DPP10: variants seen among roughly 807,000 people sequenced by gnomAD.
DPP10 encodes inactive dipeptidyl peptidase 10.
Under a neutral mutation model 120.9 loss-of-function variants are expected in DPP10, and 33 were observed. That is an observed-to-expected ratio of 0.27 (90% confidence interval 0.21 to 0.37). The LOEUF is 0.37. DPP10 is among the 10% of genes least tolerant of loss of function. The probability of loss-of-function intolerance (pLI) is 1.00; values close to 1 mark genes in which losing one functional copy is unlikely to be tolerated. For missense variants in DPP10, 816 were observed against 942.8 expected, an observed-to-expected ratio of 0.87 and a Z score of 1.76; for synonymous variants, 337 against 326.1, an observed-to-expected ratio of 1.03 and a Z score of -0.36.
chr2:115,114,322 T>A (rs996900656), intron 1 of DPP10, among the ~76,000 whole-genome samples: 1 of 152,222 alleles, frequency 6.6e-6, no homozygotes, highest in African/African-American at 2.4e-5. Context: ...ATATTTATTC[T>A]GACTTTGAAA....
intron 2 of DPP10, among the ~76,000 whole-genome samples, chr2:115,320,588 A>G (rs1041127446): frequency 6.6e-6 from 1 of 152,072 alleles, no homozygotes; most frequent in Non-Finnish European, 1.5e-5. Context: ...GTTCAATCAC[A>G]TACACAAACT....
intron 3 of DPP10, among the ~76,000 whole-genome samples, chr2:115,376,424 G>A (rs1010253637): frequency 2.6e-5 from 4 of 151,924 alleles, no homozygotes; most frequent in Admixed American, 6.6e-5. Context: ...ATTACCAAGT[G>A]GAGGGATAAT....
intron 1 of DPP10, among the ~76,000 whole-genome samples, chr2:115,166,536 A>C (rs1279622605): frequency 6.8e-6 from 1 of 146,532 alleles, no homozygotes; most frequent in East Asian, 2.0e-4. Flanking sequence ...TATATATATA[A>C]ATTTATAATA....
chr2:115,174,975 A>C (rs987614750), intron 1 of DPP10, among the ~76,000 whole-genome samples: 1 of 152,106 alleles, frequency 6.6e-6, no homozygotes, highest in Non-Finnish European at 1.5e-5. Flanking sequence ...TTCTTTGGAG[A>C]AGATGAGATA....
intron 1 of DPP10, among the ~76,000 whole-genome samples, chr2:114,545,011 C>T (rs1262577769): frequency 6.6e-6 from 1 of 151,844 alleles, no homozygotes; most frequent in Non-Finnish European, 1.5e-5. Context: ...GCCACCATGC[C>T]CAGCTAATTT....
chr2:114,856,789 T>A (rs1350387191), intron 1 of DPP10, among the ~76,000 whole-genome samples: 1 of 152,114 alleles, frequency 6.6e-6, no homozygotes, highest in African/African-American at 2.4e-5. Flanking sequence ...GCCATATGGG[T>A]ATATTTACTT....
rs796409060 is a variant in DPP10, at chr2:114,860,838, T to TA, written c.60+418005dup. On this transcript the variant is annotated intron_variant, in intron 1 of 25. Coordinates refer to ENST00000410059, the MANE Select transcript of DPP10 (RefSeq NM_020868.6). ...CAAAGCTCATTTAAAGAGTATTTAA[T>TA]AAAAAGAATCCCTCTAAATCCTGTC... 2.2e-4 allele frequency among the ~76,000 whole-genome samples: 34 copies of TA among 152,304 alleles called. 1 individual carries two copies. Among genetic ancestry groups the TA allele is most frequent in the African/African-American group, 7.7e-4 (32 of 41,576 alleles).
At chr2:115,710,009 TAAAGAG>T (rs1378965210) in intron 7 of DPP10, among the ~76,000 whole-genome samples, 2 of 151,962 alleles carry the variant, frequency 1.3e-5, no homozygotes, top group Admixed American at 6.6e-5. Context: ...AAACTAAAGA[TAAAGAG>T]AAACTGTGGA....
intron 1 of DPP10, among the ~76,000 whole-genome samples, chr2:114,868,737 G>T (rs375506838): frequency 1.3e-5 from 2 of 152,136 alleles, no homozygotes; most frequent in East Asian, 3.9e-4. Context: ...GCTTGTTCTA[G>T]AACTCAAGAT....
chr2:115,228,110 T>C (rs1217051213), intron 1 of DPP10, among the ~76,000 whole-genome samples: 1 of 151,860 alleles, frequency 6.6e-6, no homozygotes, highest in Non-Finnish European at 1.5e-5. Flanking sequence ...TATTTATACA[T>C]ATATTTTTTG....
intron 1 of DPP10, among the ~76,000 whole-genome samples, chr2:114,466,632 G>T (rs112301849): frequency 6.6e-6 from 1 of 152,304 alleles, no homozygotes; most frequent in African/African-American, 2.4e-5. Flanking sequence ...AGGGTTAAAT[G>T]AATTAATGTA....
intron 1 of DPP10, among the ~76,000 whole-genome samples, chr2:115,263,887 AACACAC>A (rs146158432): frequency 6.6e-6 from 1 of 150,516 alleles, no homozygotes; most frequent in East Asian, 2.0e-4. Context: ...AGGGATTCAA[AACACAC>A]ACACACACAC....
intron 1 of DPP10, among the ~76,000 whole-genome samples, chr2:115,306,340 T>C (rs1343209348): frequency 6.6e-6 from 1 of 151,974 alleles, no homozygotes; most frequent in Non-Finnish European, 1.5e-5. Flanking sequence ...GGAACAGAAT[T>C]AGGAATGGAA....
At chr2:114,687,234 A>G (rs1157042268) in intron 1 of DPP10, among the ~76,000 whole-genome samples, 2 of 151,896 alleles carry the variant, frequency 1.3e-5, no homozygotes, top group Non-Finnish European at 2.9e-5. Context: ...CCTTTATGGT[A>G]CTTCTTCTGA....
intron 2 of DPP10, among the ~76,000 whole-genome samples, chr2:115,326,264 T>C (rs1372727830): frequency 6.6e-6 from 1 of 152,060 alleles, no homozygotes; most frequent in Non-Finnish European, 1.5e-5. Context: ...AGCTGTAAAG[T>C]TCTTATCCCC....
chr2:114,860,995 G>C (rs1689766779), intron 1 of DPP10, among the ~76,000 whole-genome samples: 1 of 152,034 alleles, frequency 6.6e-6, no homozygotes, highest in Non-Finnish European at 1.5e-5. Flanking sequence ...ATTTTTACAT[G>C]AGGAGCTAGC....
chr2:114,956,752 T>A (rs1698232827), intron 1 of DPP10, among the ~76,000 whole-genome samples: 1 of 152,000 alleles, frequency 6.6e-6, no homozygotes, highest in South Asian at 2.1e-4. Context: ...ACAGACACAT[T>A]GACAAATGGA....
At chr2:115,625,726 G>A (rs1369665709) in intron 5 of DPP10, among the ~76,000 whole-genome samples, 3 of 151,976 alleles carry the variant, frequency 2.0e-5, no homozygotes, top group Admixed American at 2.0e-4. Flanking sequence ...AATGCCTAGG[G>A]TTTTAAATTC....
chr2:115,619,727 G>A (rs984818269), intron 5 of DPP10, among the ~76,000 whole-genome samples: 1 of 152,114 alleles, frequency 6.6e-6, no homozygotes, highest in African/African-American at 2.4e-5. Flanking sequence ...TCTCTGTGTG[G>A]ACTTCTATCA....
Sources: gnomAD v4.1 joint callset for allele counts (sites outside exome capture counted in the v4.1 genomes callset) on GRCh38, gnomAD v4.1.1 for gene constraint, MANE v1.5 for transcripts, NCBI Gene and HGNC (gene_info 2026-07-23, HGNC 2026-07-21) for gene names.